NBPF19: variants seen among roughly 807,000 people sequenced by gnomAD.
NBPF19 encodes the protein NBPF member 19, also known as NBPF family member NBPF19.
A neutral mutation model predicts 45.9 loss-of-function variants in NBPF19; 30 were observed. That is an observed-to-expected ratio of 0.65 (90% confidence interval 0.49 to 0.89). NBPF19 has a LOEUF of 0.89. Among genes scored for constraint, NBPF19 ranks in the 40% least tolerant of loss-of-function variants. NBPF19 has a pLI of 0.00. For synonymous variants in NBPF19, 183 were observed against 181.2 expected (o/e 1.01, Z -0.08); for missense variants, 495 against 471.8 (o/e 1.05, Z -0.46).
At chr1:149,490,706 A>C (rs2085806473) in intron 13 of NBPF19, among the ~76,000 whole-genome samples, 1 of 50,820 alleles carries the variant, frequency 2.0e-5, no homozygotes, top group Non-Finnish European at 3.6e-5. Flanking sequence ...TAGGTGGACC[A>C]GACTTCAAAA....
chr1:149,553,829 A>G lies in NBPF19; in HGVS notation c.11235A>G (p.Glu3745=), dbSNP rs2087106780. The G allele has an allele frequency of 7.1e-6, 1 of 141,478 alleles. No individual in the cohort carries two copies. The highest frequency in any genetic ancestry group is 1.2e-5 in the Non-Finnish European group (1 of 85,138). 8.8% of individuals were successfully genotyped at this position (141,478 alleles called of 1,614,324 possible). Residue 3745 remains glutamate (E), a synonymous_variant, in exon 93 of 94, where the codon GAA becomes GAG. Transcript: ENST00000651566. ...GAAGGGGAAGAAGATCAAAGAAGGA[A>G]AGAAGAAGGGGAAGAAAAGAAGGGG... is the stretch of plus-strand genomic sequence containing the variant. ...KKRRGRRSKK[E]RRRGRKEGEE... is the part of the protein sequence containing the mutation.
At chr1:149,487,515 C>G (rs1323888804) in intron 9 of NBPF19, 132 bp downstream of exon 9, 1 of 993,446 alleles carries the variant, frequency 1.0e-6, no homozygotes, top group Non-Finnish European at 1.6e-6. Flanking sequence ...TAATACATTG[C>G]TTTTTTGTTC....
intron 5 of NBPF19, among the ~76,000 whole-genome samples, 156 bp from the exon 6 acceptor site, chr1:149,480,523 G>C (rs1305650394): frequency 4.0e-5 from 5 of 125,256 alleles, no homozygotes; most frequent in South Asian, 2.9e-4. Flanking sequence ...CTGTTGCAGA[G>C]AGAACAGGAT....
chr1:149,477,267 G>T (rs1307102525), intron 2 of NBPF19, among the ~76,000 whole-genome samples: 16,335 of 150,616 alleles, frequency 0.11, 1,430 homozygotes, highest in East Asian at 0.28. Context: ...TGGCACAGTG[G>T]AAACACTATC....
At chr1:149,478,798 G>C in intron 3 of NBPF19, 82 bp from the exon 4 acceptor site, 1 of 1,337,116 alleles carries the variant, frequency 7.5e-7, no homozygotes, top group Non-Finnish European at 1.1e-6. Context: ...TGAGGACATT[G>C]TCTCAGAAGT....
At chr1:149,486,819 T>C (rs1237781864) in intron 8 of NBPF19, among the ~76,000 whole-genome samples, 4 of 150,666 alleles carry the variant, frequency 2.7e-5, no homozygotes, top group Non-Finnish European at 5.9e-5. Flanking sequence ...CTGTCCGTCA[T>C]GTTCCTGGTA....
Position 149,539,738 on chromosome 1 carries a change from C to T in NBPF19, c.9092+67C>T. 2.4e-5 allele frequency: 2 copies of T among 82,548 alleles called. 1 individual carries two copies. The highest frequency in any genetic ancestry group is 3.4e-5 in the Non-Finnish European group (2 of 58,032). The allele number at this position is 82,548 out of a possible 1,614,324, so 5.1% of individuals were successfully genotyped here. ...CCTGGAGGCAACAGATTCAGAGAAACCAGACTGTGTTTGATGTCATGTTTT... is the reference window on the plus strand; with the variant it reads ...CCTGGAGGCAACAGATTCAGAGAAATCAGACTGTGTTTGATGTCATGTTTT... On this transcript the variant is annotated intron_variant, in intron 75 of 93. Coordinates refer to ENST00000651566, the MANE Select transcript of NBPF19 (RefSeq NM_001351365.2).
At chr1:149,486,560 G>A (rs2085516519) in intron 8 of NBPF19, among the ~76,000 whole-genome samples, 1 of 151,392 alleles carries the variant, frequency 6.6e-6, no homozygotes, top group Non-Finnish European at 1.5e-5. Flanking sequence ...AGGCAGGTGT[G>A]GCAAACTCAC....
At chr1:149,479,848 G>T (rs2085067808) in intron 4 of NBPF19, among the ~76,000 whole-genome samples, 1 of 150,638 alleles carries the variant, frequency 6.6e-6, no homozygotes, top group African/African-American at 2.4e-5. Context: ...TGGCAGGATG[G>T]GGGAGACAGC....
chr1:149,479,546 A>G, intron 4 of NBPF19, among the ~76,000 whole-genome samples: 1 of 148,932 alleles, frequency 6.7e-6, no homozygotes, highest in South Asian at 2.1e-4. Context: ...TGAAGCATCC[A>G]AATATGGGAA....
rs2087212365 is a variant in NBPF19, at chr1:149,554,972, A to T, written c.*234A>T. 2.7e-6 allele frequency: 2 copies of T among 727,646 alleles called. No homozygotes were observed. Among genetic ancestry groups the T allele is most frequent in the African/African-American group, 1.8e-5 (1 of 56,708 alleles). The allele number at this position is 727,646 out of a possible 1,614,324, so 45.1% of individuals were successfully genotyped here. ...AACTGTGCAGCACATGCCGGGAGTG[A>T]TCAGTCGGACATTTTAATTTGAACC... On this transcript the variant is annotated 3_prime_UTR_variant, in exon 94 of 94. Coordinates refer to ENST00000651566, the MANE Select transcript of NBPF19 (RefSeq NM_001351365.2).
chr1:149,554,837 A>G lies in NBPF19; in HGVS notation c.*99A>G, dbSNP rs1197183935. The G allele has an allele frequency of 3.2e-6, 5 of 1,581,378 alleles. No individual in the cohort carries two copies. The African/African-American group carries it at 4.1e-5, about 13-fold the overall frequency. ...TACAGTTCCATTTGGAAGCCCAGAC[A>G]TAGGATGGGTCAGTGGGCATGGCTC... On this transcript the variant is annotated 3_prime_UTR_variant, in exon 94 of 94. Transcript: ENST00000651566.
In NBPF19 at chr1:149,554,825, G is replaced by C; in HGVS notation, c.*87G>C. On this transcript the variant is annotated 3_prime_UTR_variant, in exon 94 of 94. Coordinates refer to ENST00000651566, the MANE Select transcript of NBPF19 (RefSeq NM_001351365.2). ...TTTGAATGAAACTACAGTTCCATTT[G>C]GAAGCCCAGACATAGGATGGGTCAG... 1.9e-6 allele frequency: 3 copies of C among 1,593,060 alleles called. No individual in the cohort carries two copies. The South Asian group carries it at 3.4e-5, about 18-fold the overall frequency.
Position 149,555,370 on chromosome 1 carries a change from CCT to C in NBPF19, c.*636_*637del, listed in dbSNP as rs1383123366. ...AGCATTGGGAGGCCTTAGCCCTGCTCCTCTCAATTCCATCCTGTAGAGAACAG... is the reference window on the plus strand; with the variant it reads ...AGCATTGGGAGGCCTTAGCCCTGCTCCTCAATTCCATCCTGTAGAGAACAG... On this transcript the variant is annotated 3_prime_UTR_variant, in exon 94 of 94. Coordinates refer to ENST00000651566, the MANE Select transcript of NBPF19 (RefSeq NM_001351365.2). 3 of 151,672 alleles carry C rather than the reference CCT, an allele frequency of 2.0e-5. No individual in the cohort carries two copies. The highest frequency in any genetic ancestry group is 7.5e-5 in the African/African-American group (3 of 39,920). 9.4% of individuals were successfully genotyped at this position (151,672 alleles called of 1,614,324 possible).
chr1:149,554,440 C>G lies in NBPF19; in HGVS notation c.11289-55C>G. On this transcript the variant is annotated intron_variant, in intron 93 of 93. Coordinates refer to ENST00000651566, the MANE Select transcript of NBPF19 (RefSeq NM_001351365.2). ...ATGTGACTTCTGAAATCTAGTGGGG[C>G]TCTGTGGTGTCTGATTTTCCCTGGC... 18 of 1,607,834 alleles carry G rather than the reference C, an allele frequency of 1.1e-5. 2 individuals are homozygous for G. In the South Asian group the frequency reaches 1.8e-4, roughly 16 times the overall value.
At chr1:149,490,898 CTGTGTGTGTG>C (rs1199452636) in intron 13 of NBPF19, among the ~76,000 whole-genome samples, 63 of 124,700 alleles carry the variant, frequency 5.1e-4, no homozygotes, top group African/African-American at 2.0e-3. Flanking sequence ...CTCTCTCTCT[CTGTGTGTGTG>C]TGTGTGTGTG....
Position 149,478,942 on chromosome 1 carries a change from G to A in NBPF19, c.341G>A (p.Arg114Gln), listed in dbSNP as rs1206748274. 101 of 1,605,808 alleles carry A rather than the reference G, an allele frequency of 6.3e-5. 3 individuals carry two copies. The highest frequency in any genetic ancestry group is 2.2e-4 in the Middle Eastern group (1 of 4,478). The change falls in exon 4 of 94, where the codon CGG becomes CAG. Residue 114 changes from arginine to glutamine, a missense_variant. By Grantham distance (43) the Arg-to-Gln change is conservative. Coordinates refer to ENST00000651566, the MANE Select transcript of NBPF19 (RefSeq NM_001351365.2). ...RELTQLREKLREGRDASRSLN... is the reference protein window; with the variant it reads ...RELTQLREKLQEGRDASRSLN... Reference sequence around the variant, plus strand: ...CTGACCCAGTTAAGGGAGAAGTTACGGGAAGGGAGAGATGCCTCCCGCTCA... The same window carrying A: ...CTGACCCAGTTAAGGGAGAAGTTACAGGAAGGGAGAGATGCCTCCCGCTCA...
chr1:149,476,941 A>G lies in NBPF19; in HGVS notation c.175+834A>G, dbSNP rs1373983319. Among the ~76,000 whole-genome samples, 19 of 150,916 alleles carry G rather than the reference A, an allele frequency of 1.3e-4. 2 individuals carry two copies. Among genetic ancestry groups the G allele is most frequent in the African/African-American group, 4.4e-4 (18 of 41,130 alleles). On this transcript the variant is annotated intron_variant, in intron 2 of 93. Transcript: ENST00000651566. The stretch of plus-strand genomic sequence containing the variant: ...CGGGGCAAGACTCGTCAAAAAACAA[A>G]CAAACAAAAAGATAAATAAATCAAA...
intron 8 of NBPF19, among the ~76,000 whole-genome samples, chr1:149,486,656 T>G (rs1184125273): frequency 3.3e-5 from 5 of 151,328 alleles, no homozygotes; most frequent in Non-Finnish European, 7.4e-5. Flanking sequence ...CAAAATTCCT[T>G]ATGAGTTTTG....
Sources: allele counts gnomAD v4.1 joint callset (sites outside exome capture counted in the v4.1 genomes callset), GRCh38; gene constraint gnomAD v4.1.1; transcripts MANE v1.5; gene names NCBI Gene and HGNC (gene_info 2026-07-23, HGNC 2026-07-21).